The following IKZF2 variants were observed in gnomAD, a reference collection of about 807,000 sequenced individuals.
IKZF2 encodes IKAROS family zinc finger 2.
IKZF2 carries 15 observed loss-of-function variants against 49.2 expected under a neutral mutation model. The ratio of observed to expected loss-of-function variants is 0.30; its 90% CI spans 0.20 to 0.47. The LOEUF (loss-of-function observed/expected upper bound fraction) is 0.47, where lower values mean the gene tolerates loss of function less well. IKZF2 is among the 20% of genes least tolerant of loss of function. The pLI is 1.00. For synonymous variants in IKZF2, 227 were observed against 221.4 expected (o/e 1.03, Z -0.23); for missense variants, 567 against 664.6 (o/e 0.85, Z 1.61).
chr2:213,085,895 T>C (rs548952754), intron 4 of IKZF2, among the ~76,000 whole-genome samples: 143 of 152,324 alleles, frequency 9.4e-4, no homozygotes, highest in African/African-American at 3.3e-3. Context: ...AGATGGACTT[T>C]ACTCACTGGA....
chr2:213,034,535 G>A (rs1487623929), intron 6 of IKZF2, among the ~76,000 whole-genome samples: 1 of 152,134 alleles, frequency 6.6e-6, no homozygotes, highest in Non-Finnish European at 1.5e-5. Flanking sequence ...CAGGAATATA[G>A]AGGCCAGGTG....
At chr2:213,123,170 T>C (rs1229030635) in intron 4 of IKZF2, among the ~76,000 whole-genome samples, 2 of 152,218 alleles carry the variant, frequency 1.3e-5, no homozygotes, top group Non-Finnish European at 2.9e-5. Context: ...TAGGAATCTT[T>C]CTTAAGAAAT....
chr2:213,135,010 T>C (rs902147598), intron 4 of IKZF2, among the ~76,000 whole-genome samples: 10 of 152,300 alleles, frequency 6.6e-5, no homozygotes, highest in Non-Finnish European at 1.3e-4. Flanking sequence ...CTTTCTTTTA[T>C]AGGCCTTAAG....
In IKZF2 at chr2:213,004,702, G is replaced by C. The variant is rs949662096; in HGVS notation, c.*2658C>G. ...TCCAGAGTTTCTCCAAAAACACTAC[G>C]TCCACAAAAATTCTTTCTGACCCAC... On this transcript the variant is annotated 3_prime_UTR_variant, in exon 9 of 9. Transcript: ENST00000434687. The C allele has an allele frequency of 6.6e-6, 1 of 151,878 alleles. No individual in the cohort carries two copies. The highest frequency in any genetic ancestry group is 1.5e-5 in the Non-Finnish European group (1 of 67,910). The allele number at this position is 151,878 out of a possible 1,614,324, so 9.4% of individuals were successfully genotyped here. A position where few individuals can be genotyped will look rare whatever the true frequency, so the allele number is the denominator to read the frequency against.
chr2:213,021,779 T>C, intron 7 of IKZF2: 1 of 600,836 alleles, frequency 1.7e-6, no homozygotes, highest in East Asian at 3.2e-5. Flanking sequence ...TATGAAAGGT[T>C]GGTTGTCATT....
At chr2:213,033,887 C>G (rs1370919894) in intron 6 of IKZF2, among the ~76,000 whole-genome samples, 2 of 152,294 alleles carry the variant, frequency 1.3e-5, no homozygotes, top group African/African-American at 2.4e-5. Context: ...ACTGACTTCT[C>G]CTCTCTAGAT....
chr2:213,013,186 T>C (rs1559161739), intron 8 of IKZF2, among the ~76,000 whole-genome samples: 1 of 151,960 alleles, frequency 6.6e-6, no homozygotes, highest in Non-Finnish European at 1.5e-5. Flanking sequence ...TGAATGTAGG[T>C]TGCTGCATTA....
chr2:213,078,115 T>C (rs770664021), intron 4 of IKZF2, among the ~76,000 whole-genome samples: 4 of 151,904 alleles, frequency 2.6e-5, no homozygotes, highest in South Asian at 2.1e-4. Context: ...AAACAGATTA[T>C]GTGTCCTTTA....
rs372837403 is a variant in IKZF2 at position 213,021,764 on chromosome 2, T to G, written c.712+229A>C. On this transcript the variant is annotated intron_variant, in intron 7 of 8. Transcript: ENST00000434687. ...AAGAAGAGTAAATAGTACCTTCCTT[T>G]GGTATATGAAAGGTTGGTTGTCATT... The G allele has an allele frequency of 1.4e-5, 8 of 582,804 alleles. No individual in the cohort carries two copies. In the African/African-American group the frequency reaches 1.5e-4, roughly 11 times the overall value. 36.1% of individuals were successfully genotyped at this position (582,804 alleles called of 1,614,324 possible). A position where few individuals can be genotyped will look rare whatever the true frequency, so the allele number is the denominator to read the frequency against.
intron 4 of IKZF2, among the ~76,000 whole-genome samples, chr2:213,128,226 T>C (rs572347848): frequency 3.5e-4 from 54 of 152,324 alleles, no homozygotes; most frequent in South Asian, 1.2e-3. Flanking sequence ...CTAATAAATA[T>C]TAAAAAGCTA....
intron 4 of IKZF2, among the ~76,000 whole-genome samples, chr2:213,060,391 A>G (rs969734299): frequency 2.0e-5 from 3 of 151,426 alleles, no homozygotes; most frequent in African/African-American, 7.2e-5. Context: ...TTGAATTACA[A>G]CTATTAACCA....
At chr2:213,119,514 G>C (rs1006410468) in intron 4 of IKZF2, among the ~76,000 whole-genome samples, 2 of 152,098 alleles carry the variant, frequency 1.3e-5, no homozygotes, top group East Asian at 3.9e-4. Context: ...AGAAACATGA[G>C]AAGGAGGAAA....
chr2:213,056,575 C>T (rs2125380886), intron 5 of IKZF2: 1 of 579,986 alleles, frequency 1.7e-6, no homozygotes, highest in Non-Finnish European at 3.1e-6. Context: ...CCTTTTGAAC[C>T]CTTATCATAT....
At chr2:213,074,118 C>A (rs565728274) in intron 4 of IKZF2, among the ~76,000 whole-genome samples, 2 of 152,250 alleles carry the variant, frequency 1.3e-5, no homozygotes, top group East Asian at 3.9e-4. Context: ...AAAACATGAA[C>A]AGAGTAGCAG....
At chr2:213,069,907 C>T (rs539419849) in intron 4 of IKZF2, among the ~76,000 whole-genome samples, 2 of 152,144 alleles carry the variant, frequency 1.3e-5, no homozygotes, top group East Asian at 1.9e-4. Context: ...TATTTTCTTC[C>T]TCACAGTGCT....
chr2:213,083,608 G>C (rs1704234559), intron 4 of IKZF2, among the ~76,000 whole-genome samples: 1 of 140,654 alleles, frequency 7.1e-6, no homozygotes, highest in Admixed American at 7.6e-5. Context: ...CTCTATGTTG[G>C]TCAGGCTGGT....
upstream of IKZF2, among the ~76,000 whole-genome samples, chr2:213,151,790 G>C (rs1326494377): frequency 6.8e-6 from 1 of 147,220 alleles, no homozygotes; most frequent in African/African-American, 2.4e-5. Flanking sequence ...GCGAGCGGAC[G>C]TGCGTGCGCG....
chr2:213,061,378 C>G (rs1400029632), intron 4 of IKZF2, among the ~76,000 whole-genome samples: 1 of 151,152 alleles, frequency 6.6e-6, no homozygotes, highest in Non-Finnish European at 1.5e-5. Context: ...AAAGTAGAAT[C>G]TAAAACCAAA....
At chr2:213,089,775 T>A (rs1255410388) in intron 4 of IKZF2, among the ~76,000 whole-genome samples, 1 of 151,966 alleles carries the variant, frequency 6.6e-6, no homozygotes. Flanking sequence ...TAGTAAAAGG[T>A]AAGTATAGAG....
Sources: allele counts gnomAD v4.1 joint callset (sites outside exome capture counted in the v4.1 genomes callset), GRCh38; gene constraint gnomAD v4.1.1; transcripts MANE v1.5; gene names NCBI Gene and HGNC (gene_info 2026-07-23, HGNC 2026-07-21).